DIAPH3: variants seen among roughly 807,000 people sequenced by gnomAD.
DIAPH3 encodes protein diaphanous homolog 3.
Under a neutral mutation model 144.3 loss-of-function variants are expected in DIAPH3, and 117 were observed. The observed-to-expected ratio is 0.81, with a 90% CI of 0.70 to 0.95. The LOEUF is 0.95. Ranked by LOEUF, DIAPH3 falls within the 40% of genes least tolerant of loss-of-function variation. The pLI, the probability that DIAPH3 is intolerant of heterozygous loss-of-function variation, is 0.00. For synonymous variants in DIAPH3, 519 were observed against 488.9 expected, an observed-to-expected ratio of 1.06 and a Z score of -0.81; for missense variants, 1,421 against 1,412.7, an observed-to-expected ratio of 1.01 and a Z score of -0.09.
chr13:59,959,391 C>A (rs1256661229), intron 17 of DIAPH3, among the ~76,000 whole-genome samples: 1 of 152,068 alleles, frequency 6.6e-6, no homozygotes. Flanking sequence ...ATTTCTGGAC[C>A]CAGTGGATAT....
intron 1 of DIAPH3, among the ~76,000 whole-genome samples, chr13:60,148,428 G>A (rs968666459): frequency 5.3e-5 from 8 of 152,158 alleles, no homozygotes; most frequent in Non-Finnish European, 1.0e-4. Context: ...CCACATTCAA[G>A]TGCTCAAAAG....
In DIAPH3 at chr13:59,665,812, A is replaced by G. The variant is rs2031978966; in HGVS notation, c.*772T>C. On this transcript the variant is annotated 3_prime_UTR_variant, in exon 28 of 28. Coordinates refer to ENST00000400324, the MANE Select transcript of DIAPH3 (RefSeq NM_001042517.2). ...TTGGAAATTTCAAAATGGCAATTTT[A>G]TCTCAGAGTCATAATTACAAGGGGA... The G allele has an allele frequency of 6.5e-6, 1 of 152,686 alleles. No individual in the cohort carries two copies. Among genetic ancestry groups the G allele is most frequent in the Non-Finnish European group, 1.5e-5 (1 of 68,042 alleles). 9.5% of individuals were successfully genotyped at this position (152,686 alleles called of 1,614,324 possible).
chr13:59,764,999 T>C (rs1480948681), intron 27 of DIAPH3, among the ~76,000 whole-genome samples: 1 of 152,132 alleles, frequency 6.6e-6, no homozygotes, highest in Non-Finnish European at 1.5e-5. Context: ...TGTTCCAGAT[T>C]AAAGATATCT....
At chr13:59,825,396 A>G (rs1362324354) in intron 24 of DIAPH3, among the ~76,000 whole-genome samples, 1 of 152,186 alleles carries the variant, frequency 6.6e-6, no homozygotes, top group Non-Finnish European at 1.5e-5. Flanking sequence ...ATAGTATTCC[A>G]TGGTGTATAT....
chr13:60,072,618 C>T (rs1200641626), intron 4 of DIAPH3, among the ~76,000 whole-genome samples: 3 of 151,748 alleles, frequency 2.0e-5, no homozygotes, highest in Non-Finnish European at 4.4e-5. Context: ...CAAAATATAC[C>T]TCATACTGCT....
intron 27 of DIAPH3, among the ~76,000 whole-genome samples, chr13:59,700,677 G>A (rs961088214): frequency 6.6e-6 from 1 of 152,078 alleles, no homozygotes; most frequent in Non-Finnish European, 1.5e-5. Context: ...AGTTGATGGG[G>A]GGAAGTTGCC....
chr13:59,666,767 G>A lies in DIAPH3; in HGVS notation c.3399C>T (p.Ala1133=). The change falls in exon 28 of 28, where the codon GCC becomes GCT. Residue 1133 remains alanine, a synonymous_variant. Transcript: ENST00000400324. ...INCNSTRTPV[A]KELNYNLDTH... ...TGTCTAGATTATAATTAAGCTCCTTGGCGACTGGAGTCCTTGTTGAGTTGC... is the reference window on the plus strand; with the variant it reads ...TGTCTAGATTATAATTAAGCTCCTTAGCGACTGGAGTCCTTGTTGAGTTGC... 6.2e-7 allele frequency: 1 copy of A among 1,614,064 alleles called. No individual in the cohort carries two copies. The highest frequency in any genetic ancestry group is 2.2e-5 in the East Asian group (1 of 44,870).
intron 14 of DIAPH3, among the ~76,000 whole-genome samples, 172 bp downstream of exon 14, chr13:59,980,623 G>A (rs2050938702): frequency 6.6e-6 from 1 of 151,612 alleles, no homozygotes; most frequent in Non-Finnish European, 1.5e-5. Flanking sequence ...AAGGTTGGGA[G>A]TGGGGAGTTA....
At chr13:59,749,196 T>TGAGC (rs2036860550) in intron 27 of DIAPH3, among the ~76,000 whole-genome samples, 1 of 88,080 alleles carries the variant, frequency 1.1e-5, no homozygotes. Context: ...CCTAGGTGAC[T>TGAGC]GAGACTCTGT....
intron 1 of DIAPH3, among the ~76,000 whole-genome samples, chr13:60,152,219 C>G (rs534310426): frequency 6.6e-6 from 1 of 152,042 alleles, no homozygotes; most frequent in Non-Finnish European, 1.5e-5. Flanking sequence ...CTAAGGGCTT[C>G]AAGAAATTCT....
chr13:59,889,318 A>G (rs1022620545), intron 20 of DIAPH3, among the ~76,000 whole-genome samples: 1 of 152,122 alleles, frequency 6.6e-6, no homozygotes, highest in Middle Eastern at 3.4e-3. Flanking sequence ...TTCCTACATA[A>G]CTAAGAGAAA....
intron 27 of DIAPH3, among the ~76,000 whole-genome samples, chr13:59,750,541 C>T (rs2036952906): frequency 6.6e-6 from 1 of 152,140 alleles, no homozygotes; most frequent in Admixed American, 6.5e-5. Context: ...GGTCTGCTCT[C>T]GTTTATGTTG....
chr13:60,000,606 G>T (rs2052468455), intron 9 of DIAPH3, among the ~76,000 whole-genome samples: 1 of 152,122 alleles, frequency 6.6e-6, no homozygotes, highest in South Asian at 2.1e-4. Flanking sequence ...AACCCTGAAT[G>T]AAATTAAGTA....
At chr13:59,942,466 C>G (rs4886199) in intron 17 of DIAPH3, among the ~76,000 whole-genome samples, 34,021 of 152,016 alleles carry the variant, frequency 0.22, 3,984 homozygotes, top group South Asian at 0.27. Context: ...TCTAAACATG[C>G]TATTCCAGCT....
intron 5 of DIAPH3, among the ~76,000 whole-genome samples, chr13:60,038,501 G>T (rs2055390527): frequency 6.6e-6 from 1 of 151,988 alleles, no homozygotes; most frequent in Admixed American, 6.6e-5. Context: ...AGAAAAAATG[G>T]ATTCCAAAAA....
chr13:59,825,477 A>C (rs1416947072), intron 24 of DIAPH3, among the ~76,000 whole-genome samples: 1 of 152,174 alleles, frequency 6.6e-6, no homozygotes, highest in African/African-American at 2.4e-5. Context: ...TGCTATTGTG[A>C]ATAGTGTACA....
intron 4 of DIAPH3, among the ~76,000 whole-genome samples, chr13:60,058,908 T>A (rs1051741686): frequency 6.6e-6 from 1 of 151,834 alleles, no homozygotes. Flanking sequence ...AAAATTACCT[T>A]TTGGGTACAA....
chr13:60,153,908 T>G (rs1180260669), intron 1 of DIAPH3, among the ~76,000 whole-genome samples: 2 of 152,086 alleles, frequency 1.3e-5, no homozygotes, highest in Non-Finnish European at 2.9e-5. Context: ...TAAGTTACAT[T>G]TGTACCCCAA....
At chr13:59,914,738 C>G (rs1447285662) in intron 19 of DIAPH3, among the ~76,000 whole-genome samples, 1 of 152,094 alleles carries the variant, frequency 6.6e-6, no homozygotes, top group Non-Finnish European at 1.5e-5. Context: ...TATGAGCAAC[C>G]ATGAGAAGCT....
Sources: gnomAD v4.1 joint callset for allele counts (sites outside exome capture counted in the v4.1 genomes callset) on GRCh38, gnomAD v4.1.1 for gene constraint, MANE v1.5 for transcripts, NCBI Gene and HGNC (gene_info 2026-07-23, HGNC 2026-07-21) for gene names.